Variants in PTPN4 observed in about 807,000 individuals in gnomAD.
PTPN4 encodes the protein tyrosine-protein phosphatase non-receptor type 4.
In PTPN4, 49 loss-of-function variants were observed where a neutral mutation model predicts 135.5. The observed-to-expected ratio is 0.36, with a 90% CI of 0.29 to 0.46. The LOEUF is 0.46. PTPN4 is among the 20% of genes least tolerant of loss of function. The pLI, the probability that PTPN4 is intolerant of heterozygous loss-of-function variation, is 1.00. For synonymous variants in PTPN4, 333 were observed against 369.9 expected (o/e 0.90, Z 1.14); for missense variants, 860 against 1,101.0 (o/e 0.78, Z 3.10).
chr2:119,797,147 G>A (rs922756054), intron 1 of PTPN4, among the ~76,000 whole-genome samples: 10 of 152,086 alleles, frequency 6.6e-5, no homozygotes, highest in Non-Finnish European at 1.5e-4. Context: ...CCTCTGGGTT[G>A]TCTTTTCATT....
intron 23 of PTPN4, 149 bp from the exon 24 acceptor site, chr2:119,962,464 AAAC>A: frequency 2.6e-6 from 1 of 378,512 alleles, no homozygotes; most frequent in Non-Finnish European, 4.1e-6. Context: ...CAAAAAAAAA[AAAC>A]ACTAGTCAGC....
At chr2:119,956,230 A>G (rs1262383458) in intron 20 of PTPN4, among the ~76,000 whole-genome samples, 1 of 144,358 alleles carries the variant, frequency 6.9e-6, no homozygotes, top group African/African-American at 2.5e-5. Context: ...TAAATTAATA[A>G]ACCTGAATTT....
chr2:119,867,998 C>T (rs1400575209), intron 3 of PTPN4, among the ~76,000 whole-genome samples: 2 of 152,128 alleles, frequency 1.3e-5, no homozygotes. Context: ...TTGTCTTGTT[C>T]CTGATCTTAG....
At chr2:119,876,897 ATGTGTGTGTGTGTGTGTGTGTGTG>A (rs3835789) in intron 3 of PTPN4, among the ~76,000 whole-genome samples, 2 of 136,026 alleles carry the variant, frequency 1.5e-5, no homozygotes, top group Admixed American at 7.4e-5. Context: ...GCCCAAGAGC[ATGTGTGTGTGTGTGTGTGTGTGTG>A]TGTGTGTGTG....
chr2:119,818,900 C>T (rs1677026560), intron 2 of PTPN4, among the ~76,000 whole-genome samples: 2 of 152,154 alleles, frequency 1.3e-5, no homozygotes, highest in Non-Finnish European at 1.5e-5. Flanking sequence ...GAGCCTGGAC[C>T]ACACCTTCTC....
chr2:119,771,150 C>G (rs961794098), intron 1 of PTPN4, among the ~76,000 whole-genome samples: 3 of 152,172 alleles, frequency 2.0e-5, no homozygotes, highest in Non-Finnish European at 4.4e-5. Flanking sequence ...ACCAGAAGGC[C>G]ATGTGGATGA....
At chr2:119,766,190 C>T (rs909668185) in intron 1 of PTPN4, among the ~76,000 whole-genome samples, 1 of 152,102 alleles carries the variant, frequency 6.6e-6, no homozygotes, top group Non-Finnish European at 1.5e-5. Context: ...TCCCAACGTG[C>T]TAAGAAATTA....
intron 3 of PTPN4, among the ~76,000 whole-genome samples, chr2:119,866,949 C>T (rs950311850): frequency 3.3e-5 from 5 of 152,018 alleles, no homozygotes; most frequent in African/African-American, 4.8e-5. Flanking sequence ...CTTCTTGTCT[C>T]GTTTAACTCT....
chr2:119,919,915 A>T, intron 11 of PTPN4, among the ~76,000 whole-genome samples, 154 bp from the exon 12 acceptor site: 1 of 152,178 alleles, frequency 6.6e-6, no homozygotes, highest in Middle Eastern at 3.2e-3. Context: ...TAAGCAAAAA[A>T]GATCCTAGAT....
At chr2:119,829,587 G>T (rs1338721090) in intron 2 of PTPN4, among the ~76,000 whole-genome samples, 1 of 152,104 alleles carries the variant, frequency 6.6e-6, no homozygotes, top group African/African-American at 2.4e-5. Flanking sequence ...ATGTCTTATT[G>T]TGTTTGGCTT....
At chr2:119,914,870 C>A (rs554470220) in intron 10 of PTPN4, among the ~76,000 whole-genome samples, 70 of 152,216 alleles carry the variant, frequency 4.6e-4, no homozygotes, top group African/African-American at 1.7e-3. Context: ...TGAAATCTTA[C>A]ATTTTTCCAA....
intron 1 of PTPN4, among the ~76,000 whole-genome samples, chr2:119,781,263 T>C (rs1021462264): frequency 6.6e-6 from 1 of 152,158 alleles, no homozygotes; most frequent in African/African-American, 2.4e-5. Flanking sequence ...GAATAGTATA[T>C]AGTAGGTTAA....
intron 3 of PTPN4, among the ~76,000 whole-genome samples, chr2:119,868,559 C>T (rs1197138187): frequency 1.3e-5 from 2 of 152,182 alleles, no homozygotes; most frequent in African/African-American, 4.8e-5. Context: ...ATAATGCCCA[C>T]GTTGGAAGGT....
intron 1 of PTPN4, among the ~76,000 whole-genome samples, chr2:119,789,374 T>TA (rs1483696031): frequency 6.6e-6 from 1 of 152,218 alleles, no homozygotes; most frequent in African/African-American, 2.4e-5. Context: ...ATTGTGTTTT[T>TA]AAAAATCGCT....
At chr2:119,893,877 GATGGCCAAAGAGTGATGAGAGA>G (rs1473849459) in intron 9 of PTPN4, among the ~76,000 whole-genome samples, 2 of 151,700 alleles carry the variant, frequency 1.3e-5, no homozygotes. Context: ...GAGGTGCAGT[GATGGCCAAAGAGTGATGAGAGA>G]ATATGAAAAA....
chr2:119,761,937 A>G (rs1223812228), intron 1 of PTPN4, among the ~76,000 whole-genome samples: 1 of 152,142 alleles, frequency 6.6e-6, no homozygotes, highest in Non-Finnish European at 1.5e-5. Context: ...CCATTTTCTA[A>G]CATCTTAGCT....
intron 1 of PTPN4, among the ~76,000 whole-genome samples, chr2:119,793,643 C>T (rs146666019): frequency 7.2e-5 from 11 of 152,100 alleles, no homozygotes; most frequent in South Asian, 4.2e-4. Context: ...GTATTAAAGT[C>T]GGGCGTAAGA....
At chr2:119,956,405 A>C (rs1280358374) in intron 20 of PTPN4, among the ~76,000 whole-genome samples, 1 of 152,132 alleles carries the variant, frequency 6.6e-6, no homozygotes, top group Non-Finnish European at 1.5e-5. Context: ...ATGTGTTTTT[A>C]GAAATGACCA....
intron 2 of PTPN4, among the ~76,000 whole-genome samples, chr2:119,860,073 A>T (rs1677739141): frequency 6.6e-6 from 1 of 152,242 alleles, no homozygotes; most frequent in Non-Finnish European, 1.5e-5. Context: ...AAATAAATCC[A>T]TACATTTAGT....
Sources: allele counts gnomAD v4.1 joint callset (sites outside exome capture counted in the v4.1 genomes callset), GRCh38; gene constraint gnomAD v4.1.1; transcripts MANE v1.5; gene names NCBI Gene and HGNC (gene_info 2026-07-23, HGNC 2026-07-21).